Variants in LRRC2 observed in about 807,000 individuals in gnomAD.
The protein encoded by LRRC2 is leucine rich repeat containing 2.
In LRRC2, 27 loss-of-function variants were observed where a neutral mutation model predicts 40.2. That is an observed-to-expected ratio of 0.67 (90% CI 0.49 to 0.93). The LOEUF is 0.93. Ranked by LOEUF, LRRC2 falls within the 40% of genes least tolerant of loss-of-function variation. The pLI, the probability that LRRC2 is intolerant of heterozygous loss-of-function variation, is 0.00. For missense variants in LRRC2, 402 were observed against 439.6 expected, an observed-to-expected ratio of 0.91 and a Z score of 0.76; for synonymous variants, 147 against 158.9, an observed-to-expected ratio of 0.92 and a Z score of 0.56.
intron 4 of LRRC2, 149 bp downstream of exon 4, chr3:46,538,896 A>G (rs1266250197): frequency 2.8e-6 from 2 of 711,810 alleles, no homozygotes; most frequent in South Asian, 2.2e-5. Context: ...GCAAACAAGC[A>G]GCTCTGGGGA....
intron 3 of LRRC2, 126 bp from the exon 4 acceptor site, chr3:46,539,327 C>T (rs1207042458): frequency 2.4e-6 from 2 of 831,870 alleles, no homozygotes; most frequent in Admixed American, 2.9e-5. Flanking sequence ...ACTTAACCAC[C>T]AGCACTCCAG....
At chr3:46,525,448 G>A (rs755272825) in intron 7 of LRRC2, among the ~76,000 whole-genome samples, 4 of 151,684 alleles carry the variant, frequency 2.6e-5, no homozygotes, top group Non-Finnish European at 4.4e-5. Context: ...ACAGTATCTC[G>A]CTATGTTACC....
intron 3 of LRRC2, among the ~76,000 whole-genome samples, chr3:46,540,647 T>C (rs961370984): frequency 6.6e-6 from 1 of 152,186 alleles, no homozygotes; most frequent in East Asian, 1.9e-4. Context: ...CAGAGCCTAG[T>C]GCAAAATGAA....
intron 4 of LRRC2, among the ~76,000 whole-genome samples, chr3:46,538,134 C>T (rs1281393187): frequency 6.6e-6 from 1 of 152,182 alleles, no homozygotes; most frequent in Non-Finnish European, 1.5e-5. Flanking sequence ...CCACCTGTCC[C>T]ACAGGGTCTT....
At chr3:46,523,916 C>G (rs955823691) in intron 7 of LRRC2, among the ~76,000 whole-genome samples, 2 of 152,216 alleles carry the variant, frequency 1.3e-5, no homozygotes, top group Non-Finnish European at 2.9e-5. Context: ...AGCACAATCA[C>G]AGACATTGTG....
chr3:46,532,895 G>A lies in LRRC2; in HGVS notation c.505C>T (p.Leu169=). Residue 169 remains leucine, a synonymous_variant, in exon 5 of 9, where the codon CTG becomes TTG. Transcript: ENST00000395905. ...LPAEIGCLKN[L]KELNVGFNYL... ...TTGAAACCCACATTGAGTTCTTTCA[G>A]GTTCTTCAAACAACCTGTCAGCAGA... The A allele has an allele frequency of 6.2e-7, 1 of 1,613,628 alleles. No individual in the cohort carries two copies. The highest frequency in any genetic ancestry group is 8.5e-7 in the Non-Finnish European group (1 of 1,179,826).
intron 4 of LRRC2, among the ~76,000 whole-genome samples, chr3:46,537,966 G>A (rs1460369701): frequency 2.0e-5 from 3 of 152,246 alleles, no homozygotes; most frequent in Non-Finnish European, 4.4e-5. Flanking sequence ...CAAGTGGTTA[G>A]CAAGGCTGCT....
chr3:46,520,563 A>G (rs549265693), intron 8 of LRRC2, among the ~76,000 whole-genome samples: 4 of 152,362 alleles, frequency 2.6e-5, no homozygotes, highest in Non-Finnish European at 5.9e-5. Context: ...TGCCCAATAA[A>G]TGACACTTTT....
chr3:46,536,337 A>G (rs1227536828), intron 4 of LRRC2, among the ~76,000 whole-genome samples: 1 of 152,218 alleles, frequency 6.6e-6, no homozygotes, highest in Non-Finnish European at 1.5e-5. Context: ...GCCTTGGAAT[A>G]ATCACTTGAA....
Position 46,517,308 on chromosome 3 carries a change from A to G in LRRC2, c.*1706T>C, listed in dbSNP as rs1703881992. The G allele has an allele frequency of 6.7e-6, 1 of 149,520 alleles. No individual in the cohort carries two copies. The highest frequency in any genetic ancestry group is 2.4e-5 in the African/African-American group (1 of 40,868). 9.3% of individuals were successfully genotyped at this position (149,520 alleles called of 1,614,324 possible). A position where few individuals can be genotyped will look rare whatever the true frequency, so the allele number is the denominator to read the frequency against. ...TGTTTTTTTTTTTTTAGTTATAACA[A>G]TAATAATATTGTTATTGCTGTTTGT... On this transcript the variant is annotated 3_prime_UTR_variant, in exon 9 of 9. Transcript: ENST00000395905.
intron 1 of LRRC2, among the ~76,000 whole-genome samples, chr3:46,556,170 A>C (rs556018838): frequency 6.6e-6 from 1 of 151,416 alleles, no homozygotes; most frequent in Admixed American, 6.6e-5. Context: ...CCCAGGCTGG[A>C]GTGCAGTGAT....
At chr3:46,541,332 CAAAA>C (rs571449281) in intron 3 of LRRC2, among the ~76,000 whole-genome samples, 2 of 63,942 alleles carry the variant, frequency 3.1e-5, no homozygotes, top group Non-Finnish European at 6.4e-5. Flanking sequence ...GACTCCGTCT[CAAAA>C]AAAAAAAAAA....
intron 8 of LRRC2, 71 bp downstream of exon 8, chr3:46,521,451 A>G: frequency 8.0e-7 from 1 of 1,254,416 alleles, no homozygotes; most frequent in Non-Finnish European, 1.1e-6. Flanking sequence ...TTTGACTTCT[A>G]TTAACAAATG....
intron 1 of LRRC2, 67 bp from the exon 2 acceptor site, chr3:46,551,677 T>C: frequency 2.6e-6 from 3 of 1,163,416 alleles, no homozygotes; most frequent in Admixed American, 2.4e-5. Context: ...ACATAAACTT[T>C]AAAATGAAAT....
chr3:46,524,971 T>G (rs1455390717), intron 7 of LRRC2, among the ~76,000 whole-genome samples: 1 of 152,190 alleles, frequency 6.6e-6, no homozygotes, highest in Non-Finnish European at 1.5e-5. Context: ...TATCATGTAT[T>G]AGCATTGATT....
chr3:46,562,989 G>A (rs1054976048), intron 1 of LRRC2, among the ~76,000 whole-genome samples: 5 of 152,120 alleles, frequency 3.3e-5, no homozygotes, highest in African/African-American at 9.7e-5. Flanking sequence ...GCATCCCAAA[G>A]TGCTGAGATT....
Position 46,529,825 on chromosome 3 carries a change from TA to T in LRRC2, c.773+79del. 7 of 1,425,872 alleles carry T rather than the reference TA, an allele frequency of 4.9e-6. No individual in the cohort carries two copies. In the South Asian group the frequency reaches 8.6e-5, roughly 18 times the overall value. The allele number at this position is 1,425,872 out of a possible 1,614,324, so 88.3% of individuals were successfully genotyped here. ...TTGATTCCAAAGAACATTCATGTAC[TA>T]TACATGTTTCAAATGTTAACAGTGT... is the stretch of plus-strand genomic sequence containing the variant. On this transcript the variant is annotated intron_variant, in intron 6 of 8. Transcript: ENST00000395905.
chr3:46,527,576 T>C lies in LRRC2; in HGVS notation c.779A>G (p.Glu260Gly). Residue 260 changes from glutamate to glycine, a missense_variant, in exon 7 of 9, where the codon GAG becomes GGG. Glu to Gly is a moderately conservative substitution (Grantham distance 98). Coordinates refer to ENST00000395905, the MANE Select transcript of LRRC2 (RefSeq NM_024512.5). ...ATACAAGAGAAAGCTCTGCAGCTCC[T>C]CTAGCCTAAGAAGAGGTAAAAACAA... is the stretch of plus-strand genomic sequence containing the variant. ...TDLPQDIDRL[E>G]ELQSFLLYKN... is the part of the protein sequence containing the mutation. The C allele has an allele frequency of 6.2e-7, 1 of 1,613,886 alleles. No homozygotes were observed.
At position 46,530,010 on chromosome 3, in the gene LRRC2, G is replaced by A; in HGVS notation, c.668C>T (p.Ala223Val). Residue 223 changes from alanine to valine, a missense_variant, in exon 6 of 9, where the codon GCA becomes GTA. Transcript: ENST00000395905. Reference sequence around the variant, plus strand: ...GATTGGGACACTGGAAAACTTGTTTGCTGAGATATCTACAAATGTAACTTG... The same window carrying A: ...GATTGGGACACTGGAAAACTTGTTTACTGAGATATCTACAAATGTAACTTG... ...LKQVTFVDIS[A>V]NKFSSVPICV... is the part of the protein sequence containing the mutation. 1.2e-6 allele frequency: 2 copies of A among 1,613,732 alleles called. No homozygotes were observed. The highest frequency in any genetic ancestry group is 1.1e-5 in the South Asian group (1 of 91,078).
Sources: gnomAD v4.1 joint callset for allele counts (sites outside exome capture counted in the v4.1 genomes callset) on GRCh38, gnomAD v4.1.1 for gene constraint, MANE v1.5 for transcripts, NCBI Gene and HGNC (gene_info 2026-07-23, HGNC 2026-07-21) for gene names.